The following RANBP17 variants were observed in gnomAD, a reference collection of about 807,000 sequenced individuals.
RANBP17 encodes the protein ran-binding protein 17.
A neutral mutation model predicts 141.2 loss-of-function variants in RANBP17; 158 were observed. That is an observed-to-expected ratio of 1.12 (90% CI 0.98 to 1.28). RANBP17 has a LOEUF of 1.28. Ranked by LOEUF, RANBP17 falls within the 50% of genes most tolerant of loss-of-function variation. The pLI is 0.00. For missense variants in RANBP17, 1,438 were observed against 1,290.7 expected, an observed-to-expected ratio of 1.11 and a Z score of -1.75; for synonymous variants, 430 against 450.0, an observed-to-expected ratio of 0.96 and a Z score of 0.56.
At chr5:170,893,974 T>A (rs2127387748) in intron 4 of RANBP17, among the ~76,000 whole-genome samples, 1 of 152,248 alleles carries the variant, frequency 6.6e-6, no homozygotes, top group Non-Finnish European at 1.5e-5. Context: ...AACTTCATCA[T>A]ATAGTGCAGT....
intron 14 of RANBP17, among the ~76,000 whole-genome samples, chr5:171,049,759 G>T (rs1782833586): frequency 6.6e-6 from 1 of 151,996 alleles, no homozygotes; most frequent in African/African-American, 2.4e-5. Flanking sequence ...TGTTCACTTT[G>T]TCAAAGAGCA....
chr5:171,101,340 A>C (rs1787146337), intron 14 of RANBP17, among the ~76,000 whole-genome samples: 1 of 152,110 alleles, frequency 6.6e-6, no homozygotes, highest in African/African-American at 2.4e-5. Flanking sequence ...TGATGCCTTT[A>C]TTATTATGTG....
chr5:171,058,557 A>G (rs916347833), intron 14 of RANBP17, among the ~76,000 whole-genome samples: 4 of 151,460 alleles, frequency 2.6e-5, no homozygotes, highest in Non-Finnish European at 5.9e-5. Context: ...AATCCAGTCT[A>G]TCATTGTTGG....
intron 3 of RANBP17, among the ~76,000 whole-genome samples, chr5:170,891,476 G>A (rs887566409): frequency 2.6e-5 from 4 of 152,168 alleles, no homozygotes; most frequent in African/African-American, 9.7e-5. Context: ...CAGTTGGCCT[G>A]TATATTAGTT....
intron 14 of RANBP17, among the ~76,000 whole-genome samples, chr5:171,014,203 CCTAT>C (rs1780274763): frequency 6.6e-6 from 1 of 151,598 alleles, no homozygotes; most frequent in Non-Finnish European, 1.5e-5. Flanking sequence ...TTATCTTTAA[CCTAT>C]CTATGTCTTT....
At chr5:171,261,833 G>C (rs1443796271) in intron 24 of RANBP17, among the ~76,000 whole-genome samples, 1 of 152,104 alleles carries the variant, frequency 6.6e-6, no homozygotes, top group African/African-American at 2.4e-5. Flanking sequence ...ATAGTAGCTT[G>C]AGCTGCAAAT....
At chr5:171,130,901 C>T (rs964157923) in intron 14 of RANBP17, among the ~76,000 whole-genome samples, 3 of 152,088 alleles carry the variant, frequency 2.0e-5, no homozygotes, top group African/African-American at 7.2e-5. Context: ...AGGAGTGTTA[C>T]AGCATTTTAT....
At chr5:170,998,351 G>A (rs994435431) in intron 14 of RANBP17, among the ~76,000 whole-genome samples, 3 of 152,104 alleles carry the variant, frequency 2.0e-5, no homozygotes, top group East Asian at 3.9e-4. Context: ...TTGGCATGGA[G>A]CTATTTTGTA....
intron 13 of RANBP17, among the ~76,000 whole-genome samples, chr5:170,959,333 A>G (rs1325355165): frequency 2.6e-5 from 4 of 152,180 alleles, no homozygotes; most frequent in East Asian, 1.9e-4. Flanking sequence ...GTGGCTTCCT[A>G]TCACACTTGA....
At chr5:170,965,083 T>C (rs937507162) in intron 13 of RANBP17, among the ~76,000 whole-genome samples, 1 of 152,166 alleles carries the variant, frequency 6.6e-6, no homozygotes, top group African/African-American at 2.4e-5. Context: ...TTTTAATGAC[T>C]GCCATTCTAA....
At chr5:171,000,757 G>C (rs1403769691) in intron 14 of RANBP17, among the ~76,000 whole-genome samples, 1 of 152,188 alleles carries the variant, frequency 6.6e-6, no homozygotes, top group Non-Finnish European at 1.5e-5. Context: ...TGTTTTACGG[G>C]CAGGGGGTGG....
At chr5:171,102,242 G>A (rs1787221289) in intron 14 of RANBP17, among the ~76,000 whole-genome samples, 1 of 152,072 alleles carries the variant, frequency 6.6e-6, no homozygotes. Context: ...GCAAATGTAG[G>A]TTTGGTCTTT....
chr5:171,058,366 G>A (rs1269346570), intron 14 of RANBP17, among the ~76,000 whole-genome samples: 1 of 130,390 alleles, frequency 7.7e-6, no homozygotes, highest in Non-Finnish European at 1.5e-5. Flanking sequence ...CTGTGTCCAT[G>A]TGTTCTCATT....
chr5:171,251,879 T>TA, intron 24 of RANBP17: 1 of 1,491,660 alleles, frequency 6.7e-7, no homozygotes, highest in Middle Eastern at 1.7e-4. Context: ...GCTTCGGCAT[T>TA]AGAGAAGGAG....
intron 13 of RANBP17, 92 bp downstream of exon 13, chr5:170,953,794 T>C: frequency 5.1e-6 from 4 of 788,842 alleles, no homozygotes; most frequent in Non-Finnish European, 8.4e-6. Context: ...ACATTTTGTA[T>C]GTGGCCTTTT....
At chr5:171,028,874 G>A (rs1204054324) in intron 14 of RANBP17, 2 of 1,276,710 alleles carry the variant, frequency 1.6e-6, no homozygotes, top group Non-Finnish European at 2.0e-6. Flanking sequence ...TTGCACAGAA[G>A]ACAGACATCT....
intron 1 of RANBP17, among the ~76,000 whole-genome samples, chr5:170,876,917 A>G (rs1358468183): frequency 4.6e-5 from 7 of 152,186 alleles, no homozygotes; most frequent in South Asian, 2.1e-4. Flanking sequence ...ATCTGTGCCA[A>G]TATTTTTTCT....
intron 14 of RANBP17, among the ~76,000 whole-genome samples, chr5:171,121,820 C>T (rs900985568): frequency 2.0e-5 from 3 of 152,116 alleles, no homozygotes; most frequent in Non-Finnish European, 4.4e-5. Context: ...TTACTCACCC[C>T]CACCACACCC....
intron 14 of RANBP17, among the ~76,000 whole-genome samples, chr5:171,083,755 A>G (rs574793473): frequency 2.1e-4 from 32 of 152,230 alleles, no homozygotes; most frequent in Admixed American, 5.9e-4. Context: ...GGTCTTTCCC[A>G]TGCTGTTCTC....
Sources: gnomAD v4.1 joint callset for allele counts (sites outside exome capture counted in the v4.1 genomes callset) on GRCh38, gnomAD v4.1.1 for gene constraint, MANE v1.5 for transcripts, NCBI Gene and HGNC (gene_info 2026-07-23, HGNC 2026-07-21) for gene names.